PCCA: variants seen among roughly 807,000 people sequenced by gnomAD.
PCCA encodes the protein propionyl-CoA carboxylase subunit alpha.
In PCCA, 74 loss-of-function variants were observed where a neutral mutation model predicts 101.3. The observed-to-expected ratio is 0.73, with a 90% CI of 0.61 to 0.89. The LOEUF is 0.89. Among genes scored for constraint, PCCA ranks in the 40% least tolerant of loss-of-function variants. The pLI is 0.00. For synonymous variants in PCCA, 294 were observed against 313.6 expected (o/e 0.94, Z 0.66); for missense variants, 891 against 907.0 (o/e 0.98, Z 0.23).
Position 100,394,791 on chromosome 13 carries a change from T to G in PCCA, c.1746+26217T>G, listed in dbSNP as rs933465860. 6.6e-6 allele frequency among the ~76,000 whole-genome samples: 1 copy of G among 152,210 alleles called. No individual in the cohort carries two copies. Among genetic ancestry groups the G allele is most frequent in the African/African-American group, 2.4e-5 (1 of 41,452 alleles). On this transcript the variant is annotated intron_variant, in intron 19 of 23. Coordinates refer to ENST00000376285, the MANE Select transcript of PCCA (RefSeq NM_000282.4). The surrounding 1 kb of genome is among the most constrained non-coding windows in gnomAD (Gnocchi z 4.3). The stretch of plus-strand genomic sequence containing the variant: ...AAAAAATATGTCCTACTACTAATAT[T>G]TTTTAAATTATCCCTAAACCTTCAC...
intron 4 of PCCA, among the ~76,000 whole-genome samples, chr13:100,127,800 G>C (rs927469342): frequency 3.9e-5 from 6 of 152,172 alleles, no homozygotes; most frequent in African/African-American, 1.4e-4. Context: ...GCTGAGGCAG[G>C]AGAATGGCGT....
intron 6 of PCCA, among the ~76,000 whole-genome samples, chr13:100,171,168 C>G (rs1308046252): frequency 6.6e-6 from 1 of 152,170 alleles, no homozygotes; most frequent in African/African-American, 2.4e-5. Flanking sequence ...AACATTTCTA[C>G]TCTAATGAAT....
At chr13:100,466,132 C>G (rs1359491527) in intron 21 of PCCA, 1 of 152,214 alleles carries the variant, frequency 6.6e-6, no homozygotes, top group African/African-American at 2.4e-5. Flanking sequence ...GTGTGCAGCT[C>G]AATACCTTAT....
intron 15 of PCCA, among the ~76,000 whole-genome samples, chr13:100,309,535 C>T (rs755301139): frequency 6.6e-6 from 1 of 152,132 alleles, no homozygotes; most frequent in African/African-American, 2.4e-5. Context: ...CATATATTCA[C>T]GTTTAGCTGT....
chr13:100,463,432 A>G (rs950751680), intron 21 of PCCA, among the ~76,000 whole-genome samples: 2 of 150,260 alleles, frequency 1.3e-5, no homozygotes, highest in African/African-American at 4.9e-5. Flanking sequence ...CCAGTGTACA[A>G]TTCTATGTAT....
chr13:100,468,474 A>G (rs903417963), intron 21 of PCCA, among the ~76,000 whole-genome samples: 1 of 152,228 alleles, frequency 6.6e-6, no homozygotes, highest in African/African-American at 2.4e-5. Flanking sequence ...GGCCACCTTC[A>G]TCGGTGATCT....
intron 21 of PCCA, among the ~76,000 whole-genome samples, chr13:100,497,260 ACTT>A (rs1330546309): frequency 6.6e-6 from 1 of 152,168 alleles, no homozygotes; most frequent in Non-Finnish European, 1.5e-5. Context: ...AAAAATTGTC[ACTT>A]CTTTTTCTTT....
intron 4 of PCCA, among the ~76,000 whole-genome samples, chr13:100,128,754 C>A (rs1039363130): frequency 2.6e-5 from 4 of 152,152 alleles, no homozygotes; most frequent in Non-Finnish European, 5.9e-5. Context: ...AATCTTTTAA[C>A]ACTATTACCC....
Position 100,322,355 on chromosome 13 carries a change from G to A in PCCA, c.1430-8206G>A, listed in dbSNP as rs375462161. ...CTACCTACAAGCTAGATGGGAAAGT[G>A]GAGTCTGTGTCTGGGTGTCTTTTGC... is the stretch of plus-strand genomic sequence containing the variant. On this transcript the variant is annotated intron_variant, in intron 16 of 23. Transcript: ENST00000376285. Among the ~76,000 whole-genome samples, 147 of 152,198 alleles carry A rather than the reference G, an allele frequency of 9.7e-4. 4 individuals carry two copies. In the South Asian group the frequency reaches 0.028, roughly 29 times the overall value.
At chr13:100,301,132 G>A (rs1395128654) in intron 12 of PCCA, among the ~76,000 whole-genome samples, 1 of 152,174 alleles carries the variant, frequency 6.6e-6, no homozygotes, top group Non-Finnish European at 1.5e-5. Context: ...ATTGAAGATT[G>A]CCGTGAAATA....
At chr13:100,182,657 C>T (rs2056906586) in intron 6 of PCCA, among the ~76,000 whole-genome samples, 1 of 152,162 alleles carries the variant, frequency 6.6e-6, no homozygotes, top group Non-Finnish European at 1.5e-5. Context: ...GGTGTTTCTG[C>T]AAGCCTCTCT....
intron 21 of PCCA, among the ~76,000 whole-genome samples, chr13:100,476,708 C>T (rs1330738342): frequency 2.6e-5 from 4 of 152,148 alleles, no homozygotes; most frequent in Non-Finnish European, 5.9e-5. Flanking sequence ...AATAAGCATC[C>T]AGTGGCAACC....
intron 8 of PCCA, among the ~76,000 whole-genome samples, chr13:100,239,793 G>T (rs1030090145): frequency 2.0e-5 from 3 of 152,000 alleles, no homozygotes; most frequent in African/African-American, 4.8e-5. Flanking sequence ...TCCTTTGCTT[G>T]TCTTTCTCAC....
intron 18 of PCCA, among the ~76,000 whole-genome samples, chr13:100,348,267 A>G (rs1053391735): frequency 2.0e-4 from 31 of 152,252 alleles, no homozygotes; most frequent in African/African-American, 6.5e-4. Context: ...CTCTTTCATC[A>G]TTTATGACTT....
At chr13:100,382,874 T>C (rs552787246) in intron 19 of PCCA, among the ~76,000 whole-genome samples, 2 of 152,174 alleles carry the variant, frequency 1.3e-5, no homozygotes, top group South Asian at 4.2e-4. Flanking sequence ...AATGCATTAA[T>C]AGAGGTGTCA....
At chr13:100,225,258 G>T (rs2060085072) in intron 7 of PCCA, among the ~76,000 whole-genome samples, 1 of 152,196 alleles carries the variant, frequency 6.6e-6, no homozygotes, top group Admixed American at 6.5e-5. Flanking sequence ...AATGTCAGGT[G>T]TGAAGTGGAG....
intron 16 of PCCA, among the ~76,000 whole-genome samples, chr13:100,313,702 T>C (rs1489192068): frequency 1.3e-5 from 2 of 152,194 alleles, no homozygotes; most frequent in African/African-American, 4.8e-5. Flanking sequence ...AAGTATAAAT[T>C]AAATTCCTCT....
intron 6 of PCCA, among the ~76,000 whole-genome samples, chr13:100,186,647 C>T (rs972504010): frequency 6.7e-6 from 1 of 149,816 alleles, no homozygotes; most frequent in Non-Finnish European, 1.5e-5. Flanking sequence ...GAGGCTGAGG[C>T]AGGAGAATCA....
chr13:100,262,661 TCTC>T, intron 9 of PCCA, 65 bp from the exon 10 acceptor site: 3 of 775,410 alleles, frequency 3.9e-6, no homozygotes, highest in Non-Finnish European at 7.0e-6. Context: ...TGACTCTTCT[TCTC>T]CTTCTTCCCC....
Sources: allele counts gnomAD v4.1 joint callset (sites outside exome capture counted in the v4.1 genomes callset), GRCh38; gene constraint gnomAD v4.1.1; non-coding constraint Gnocchi (gnomAD v3.1); transcripts MANE v1.5; gene names NCBI Gene and HGNC (gene_info 2026-07-23, HGNC 2026-07-21).